The following ANKRD23 variants were observed in gnomAD, a reference collection of about 807,000 sequenced individuals.
The protein encoded by ANKRD23 is ankyrin repeat domain 23.
A neutral mutation model predicts 38.1 loss-of-function variants in ANKRD23; 52 were observed. The observed-to-expected ratio is 1.36, with a 90% confidence interval of 1.09 to 1.72. The LOEUF (loss-of-function observed/expected upper bound fraction) is 1.72. Among genes scored for constraint, ANKRD23 ranks in the 40% most tolerant of loss-of-function variants. The pLI, the probability that ANKRD23 is intolerant of heterozygous loss-of-function variation, is 0.00. For missense variants in ANKRD23, 416 were observed against 400.2 expected (o/e 1.04, Z -0.34); for synonymous variants, 167 against 162.9 (o/e 1.03, Z -0.19).
chr2:96,840,198 T>C, intron 6 of ANKRD23, 34 bp downstream of exon 6: 1 of 1,593,976 alleles, frequency 6.3e-7, no homozygotes, highest in Non-Finnish European at 8.6e-7. Context: ...GCTCCCGTGT[T>C]CCCGACAGGC....
In ANKRD23 at chr2:96,840,236, T is replaced by C; in HGVS notation, c.620A>G (p.Asp207Gly). The stretch of plus-strand genomic sequence containing the variant: ...CCAAAGCACCGTGCCCCTCACCTTG[T>C]CCCGGGCATTGACCCGGGCTCCCTG... ...LNQGARVNAR[D>G]KIGSTPLHVA... Residue 207 changes from aspartate to glycine, a missense_variant, in exon 6 of 9, where the codon GAC becomes GGC. Physicochemically the swap from Asp to Gly is moderately conservative, Grantham distance 94 (BLOSUM62 -1). Coordinates refer to ENST00000318357, the MANE Select transcript of ANKRD23 (RefSeq NM_144994.8). The C allele has an allele frequency of 6.2e-7, 1 of 1,610,146 alleles. No individual in the cohort carries two copies. The highest frequency in any genetic ancestry group is 1.1e-5 in the South Asian group (1 of 90,300).
Position 96,839,991 on chromosome 2 carries a change from C to T in ANKRD23, c.723+6G>A. ...CGAGCCGGAAAAGACCAAGCGCCTG[C>T]CTTACCTTATCCTGTGCGTTCAGGT... On this transcript the variant is annotated splice_donor_region_variant and intron_variant, in intron 7 of 8. Transcript: ENST00000318357. 1.3e-6 allele frequency: 2 copies of T among 1,553,470 alleles called. No individual in the cohort carries two copies. Among genetic ancestry groups the T allele is most frequent in the Middle Eastern group, 1.7e-4 (1 of 5,958 alleles).
chr2:96,839,542 G>A lies in ANKRD23; in HGVS notation c.*7C>T, dbSNP rs2153358411. 7.0e-7 allele frequency: 1 copy of A among 1,438,514 alleles called. No homozygotes were observed. The highest frequency in any genetic ancestry group is 9.1e-7 in the Non-Finnish European group (1 of 1,100,464). 89.1% of individuals were successfully genotyped at this position (1,438,514 alleles called of 1,614,324 possible). On this transcript the variant is annotated 3_prime_UTR_variant, in exon 9 of 9. Transcript: ENST00000318357. ...TGCGAAAGGCGCGGCGGGGGGCGGT[G>A]CTGCGGTCAGCACCGGGTGCGGGGA...
At chr2:96,842,549 T>C (rs777628848) in intron 1 of ANKRD23, 38 bp from the exon 2 acceptor site, 1 of 1,582,886 alleles carries the variant, frequency 6.3e-7, no homozygotes, top group East Asian at 2.2e-5. Flanking sequence ...TTGGGAAAAT[T>C]GGAGGAACCC....
In ANKRD23 at chr2:96,839,526, C is replaced by G. The variant is rs2079732475; in HGVS notation, c.*23G>C. On this transcript the variant is annotated 3_prime_UTR_variant, in exon 9 of 9. Transcript: ENST00000318357. The stretch of plus-strand genomic sequence containing the variant: ...GATGGAATGGTGGCAGTGCGAAAGG[C>G]GCGGCGGGGGGCGGTGCTGCGGTCA... 1 of 1,428,384 alleles carries G rather than the reference C, an allele frequency of 7.0e-7. No individual in the cohort carries two copies. The highest frequency in any genetic ancestry group is 9.1e-7 in the Non-Finnish European group (1 of 1,096,590). 88.5% of individuals were successfully genotyped at this position (1,428,384 alleles called of 1,614,324 possible).
In ANKRD23 at chr2:96,839,490, G is replaced by A. The variant is rs1426499737; in HGVS notation, c.*59C>T. 10 of 1,398,222 alleles carry A rather than the reference G, an allele frequency of 7.2e-6. No individual in the cohort carries two copies. Among genetic ancestry groups the A allele is most frequent in the Non-Finnish European group, 9.2e-6 (10 of 1,081,938 alleles). 86.6% of individuals were successfully genotyped at this position (1,398,222 alleles called of 1,614,324 possible). ...GAACCACAGAGGTGCAGACGCGGGG[G>A]CGGGGCACAGGATGGAATGGTGGCA... On this transcript the variant is annotated 3_prime_UTR_variant, in exon 9 of 9. Coordinates refer to ENST00000318357, the MANE Select transcript of ANKRD23 (RefSeq NM_144994.8).
chr2:96,840,441 C>G lies in ANKRD23; in HGVS notation c.500G>C (p.Gly167Ala). The G allele has an allele frequency of 1.2e-6, 2 of 1,614,110 alleles. No individual in the cohort carries two copies. The highest frequency in any genetic ancestry group is 1.7e-6 in the Non-Finnish European group (2 of 1,180,036). The change falls in exon 5 of 9, where the codon GGT (glycine) becomes GCT (alanine). Residue 167 changes from glycine to alanine, a missense_variant. Transcript: ENST00000318357. ...CAAGTCTCGCGCGTCCACTGTGGCACCTGCCACCAGCAGCTTGTTCACCAG... is the reference window on the plus strand; with the variant it reads ...CAAGTCTCGCGCGTCCACTGTGGCAGCTGCCACCAGCAGCTTGTTCACCAG... Reference protein sequence around the residue: ...SQLVNKLLVAGATVDARDLLD... With the variant: ...SQLVNKLLVAAATVDARDLLD...
At chr2:96,839,919 T>G in intron 7 of ANKRD23, 78 bp downstream of exon 7, 2 of 1,548,030 alleles carry the variant, frequency 1.3e-6, no homozygotes, top group Non-Finnish European at 1.7e-6. Context: ...AGACAGCACC[T>G]CTGGTCCTGG....
chr2:96,842,309 AGC>A, intron 2 of ANKRD23, 54 bp downstream of exon 2: 1 of 1,603,744 alleles, frequency 6.2e-7, no homozygotes, highest in South Asian at 1.1e-5. Flanking sequence ...CTCACTGCTC[AGC>A]CGGCCTCAGG....
In ANKRD23 at chr2:96,838,948, T is replaced by A. The variant is rs1222800414; in HGVS notation, c.*601A>T. The A allele has an allele frequency of 4.1e-6, 4 of 985,520 alleles. No individual in the cohort carries two copies. The African/African-American group carries it at 7.0e-5, about 17-fold the overall frequency. The allele number at this position is 985,520 out of a possible 1,614,324, so 61.0% of individuals were successfully genotyped here. On this transcript the variant is annotated 3_prime_UTR_variant, in exon 9 of 9. Transcript: ENST00000318357. The stretch of plus-strand genomic sequence containing the variant: ...CAGAGTTCCTATGACCAAAGTTGTC[T>A]AGAGCCGCTCCGGACACTGCCAGGG...
At chr2:96,840,139 C>G (rs991788490) in intron 6 of ANKRD23, 44 bp from the exon 7 acceptor site, 2 of 1,547,706 alleles carry the variant, frequency 1.3e-6, no homozygotes, top group Non-Finnish European at 1.7e-6. Flanking sequence ...ATTGGTGAGG[C>G]CTCCCTAACC....
Position 96,841,995 on chromosome 2 carries a change from C to T in ANKRD23, c.300+65G>A, listed in dbSNP as rs2079766994. 3.7e-6 allele frequency: 6 copies of T among 1,609,174 alleles called. No individual in the cohort carries two copies. In the Admixed American group the frequency reaches 1.0e-4, roughly 27 times the overall value. ...CTGGCCTGCAGTGCCCACTCTGCCC[C>T]AAGCCCTTCCTCTGGAACTGGAGCC... is the stretch of plus-strand genomic sequence containing the variant. On this transcript the variant is annotated intron_variant, in intron 3 of 8. Coordinates refer to ENST00000318357, the MANE Select transcript of ANKRD23 (RefSeq NM_144994.8).
Position 96,839,989 on chromosome 2 carries a change from T to C in ANKRD23, c.723+8A>G. The C allele has an allele frequency of 1.9e-6, 3 of 1,553,188 alleles. No individual in the cohort carries two copies. The South Asian group carries it at 3.6e-5, about 18-fold the overall frequency. On this transcript the variant is annotated splice_region_variant and intron_variant, in intron 7 of 8. Coordinates refer to ENST00000318357, the MANE Select transcript of ANKRD23 (RefSeq NM_144994.8). ...TCCGAGCCGGAAAAGACCAAGCGCCTGCCTTACCTTATCCTGTGCGTTCAG... is the reference window on the plus strand; with the variant it reads ...TCCGAGCCGGAAAAGACCAAGCGCCCGCCTTACCTTATCCTGTGCGTTCAG...
In ANKRD23 at chr2:96,839,162, A is replaced by G. The variant is rs2079727627; in HGVS notation, c.*387T>C. The G allele has an allele frequency of 9.8e-7, 1 of 1,016,124 alleles. No homozygotes were observed. Among genetic ancestry groups the G allele is most frequent in the Non-Finnish European group, 1.2e-6 (1 of 850,766 alleles). The allele number at this position is 1,016,124 out of a possible 1,614,324, so 62.9% of individuals were successfully genotyped here. Reference sequence around the variant, plus strand: ...TGGAGAGAGCAAGGCAAGCCCCCTAACCTGGGACAAGTGGACACTGAGGAC... The same window carrying G: ...TGGAGAGAGCAAGGCAAGCCCCCTAGCCTGGGACAAGTGGACACTGAGGAC... On this transcript the variant is annotated 3_prime_UTR_variant, in exon 9 of 9. Coordinates refer to ENST00000318357, the MANE Select transcript of ANKRD23 (RefSeq NM_144994.8).
chr2:96,839,026 A>C lies in ANKRD23; in HGVS notation c.*523T>G, dbSNP rs1159376780. The C allele has an allele frequency of 1.0e-5, 10 of 985,894 alleles. No individual in the cohort carries two copies. Among genetic ancestry groups the C allele is most frequent in the African/African-American group, 1.7e-5 (1 of 57,266 alleles). The allele number at this position is 985,894 out of a possible 1,614,324, so 61.1% of individuals were successfully genotyped here. On this transcript the variant is annotated 3_prime_UTR_variant, in exon 9 of 9. Coordinates refer to ENST00000318357, the MANE Select transcript of ANKRD23 (RefSeq NM_144994.8). ...GAGAAAGCCATGCCCACAGGCATCCACCAGCTGCAGACAGGCCCGGCCCCT... is the reference window on the plus strand; with the variant it reads ...GAGAAAGCCATGCCCACAGGCATCCCCCAGCTGCAGACAGGCCCGGCCCCT...
intron 1 of ANKRD23, among the ~76,000 whole-genome samples, chr2:96,843,008 A>G (rs913254375): frequency 2.0e-5 from 3 of 152,184 alleles, no homozygotes; most frequent in African/African-American, 7.2e-5. Context: ...AAGCTCAAAC[A>G]CTTAAGGCAA....
rs765622522 is a variant in ANKRD23, at chr2:96,840,523, A to C, written c.427-9T>G. ...AAGGCGGTGCGGTGGAGCTGAGGGC[A>C]GAGATGGAAGATTAGGCAGAGGGAG... On this transcript the variant is annotated splice_polypyrimidine_tract_variant and intron_variant, in intron 4 of 8. Coordinates refer to ENST00000318357, the MANE Select transcript of ANKRD23 (RefSeq NM_144994.8). 29 of 1,613,250 alleles carry C rather than the reference A, an allele frequency of 1.8e-5. No homozygotes were observed. The highest frequency in any genetic ancestry group is 2.4e-5 in the Non-Finnish European group (28 of 1,179,820).
intron 7 of ANKRD23, 75 bp downstream of exon 7, chr2:96,839,920 CTG>C: frequency 6.5e-7 from 1 of 1,548,178 alleles, no homozygotes; most frequent in Non-Finnish European, 8.7e-7. Flanking sequence ...GACAGCACCT[CTG>C]GTCCTGGCTG....
intron 4 of ANKRD23, 24 bp downstream of exon 4, chr2:96,840,763 G>C: frequency 6.2e-7 from 1 of 1,613,486 alleles, no homozygotes; most frequent in Non-Finnish European, 8.5e-7. Flanking sequence ...GCTGCTGCCA[G>C]CCGACTCACC....
Sources: allele counts gnomAD v4.1 joint callset (sites outside exome capture counted in the v4.1 genomes callset), GRCh38; gene constraint gnomAD v4.1.1; transcripts MANE v1.5; gene names NCBI Gene and HGNC (gene_info 2026-07-23, HGNC 2026-07-21).